ARHGAP39: variants seen among roughly 807,000 people sequenced by gnomAD.
The protein encoded by ARHGAP39 is rho GTPase-activating protein 39.
A neutral mutation model predicts 106.9 loss-of-function variants in ARHGAP39; 44 were observed. That is an observed-to-expected ratio of 0.41 (90% CI 0.32 to 0.53). The LOEUF is 0.53. Ranked by LOEUF, ARHGAP39 falls within the 20% of genes least tolerant of loss-of-function variation. The probability of loss-of-function intolerance (pLI) is 0.21; values close to 1 mark genes in which losing one functional copy is unlikely to be tolerated. For synonymous variants in ARHGAP39, 768 were observed against 693.2 expected (o/e 1.11, Z -1.69); for missense variants, 1,496 against 1,577.3 (o/e 0.95, Z 0.87).
intron 6 of ARHGAP39, among the ~76,000 whole-genome samples, chr8:144,542,883 G>A (rs1350501050): frequency 6.6e-6 from 1 of 151,634 alleles, no homozygotes; most frequent in Non-Finnish European, 1.5e-5. Context: ...AGGTTGCAGT[G>A]AGTCATGATT....
rs577110803 is a variant in ARHGAP39 at position 144,623,646 on chromosome 8, C to T, written c.-81-17951G>A. Among the ~76,000 whole-genome samples the T allele has an allele frequency of 3.3e-5, 5 of 152,358 alleles. No individual in the cohort carries two copies. The South Asian group carries it at 6.2e-4, about 19-fold the overall frequency. On this transcript the variant is annotated intron_variant, in intron 1 of 11. Coordinates refer to ENST00000377307, the MANE Select transcript of ARHGAP39 (RefSeq NM_025251.3). Reference sequence around the variant, plus strand: ...CGACAGAGGAGATGGTACAAGAAGCCTTGCTTTACCTTGCAGGTGTGCAGA... The same window carrying T: ...CGACAGAGGAGATGGTACAAGAAGCTTTGCTTTACCTTGCAGGTGTGCAGA...
intron 6 of ARHGAP39, among the ~76,000 whole-genome samples, chr8:144,541,510 C>T (rs2620639): frequency 0.055 from 8,356 of 152,194 alleles, 717 homozygotes; most frequent in African/African-American, 0.18. Context: ...CTTTCCAAAG[C>T]AGACCTCACT....
intron 1 of ARHGAP39, among the ~76,000 whole-genome samples, chr8:144,629,985 C>A (rs7013919): frequency 0.082 from 12,485 of 152,206 alleles, 1,088 homozygotes; most frequent in East Asian, 0.24. Context: ...CTAGCCCCAA[C>A]CACCACAAGG....
chr8:144,700,356 G>A, the ARHGAP39 span: 2 of 152,296 alleles, frequency 1.3e-5, no homozygotes, highest in African/African-American at 4.8e-5. This position sits in a 1 kb window ranked among gnomAD's most constrained non-coding sequence, Gnocchi z 5.6. Context: ...GTGACCCGCT[G>A]ACCTGTCCTT....
rs1818602264 is a variant in ARHGAP39, at chr8:144,571,945, AAGG to A, written c.512+8898_512+8900del. 2.0e-5 allele frequency among the ~76,000 whole-genome samples: 3 copies of A among 152,336 alleles called. No individual in the cohort carries two copies. In the South Asian group the frequency reaches 6.2e-4, roughly 32 times the overall value. ...TACAAGGGATGTGAAGGACCCCTTC[AAGG>A]AGAACTACAAACCACTGCACAACGA... On this transcript the variant is annotated intron_variant, in intron 3 of 11. Transcript: ENST00000377307.
chr8:144,637,711 CTTT>C (rs544955777), intron 1 of ARHGAP39, among the ~76,000 whole-genome samples: 1 of 148,586 alleles, frequency 6.7e-6, no homozygotes, highest in Non-Finnish European at 1.5e-5. Flanking sequence ...CTCTCTCTCT[CTTT>C]TTTTTTTAGA....
intron 1 of ARHGAP39, among the ~76,000 whole-genome samples, chr8:144,611,982 C>T (rs1253728764): frequency 6.6e-6 from 1 of 150,942 alleles, no homozygotes; most frequent in African/African-American, 2.4e-5. Flanking sequence ...GTACTCCAAC[C>T]TGGGTGACAA....
intron 5 of ARHGAP39, among the ~76,000 whole-genome samples, 179 bp downstream of exon 5, chr8:144,546,948 C>A (rs1186433345): frequency 1.3e-5 from 2 of 152,178 alleles, no homozygotes; most frequent in Non-Finnish European, 2.9e-5. Context: ...CTCGTGGACT[C>A]CCAGCTGAGC....
intron 1 of ARHGAP39, among the ~76,000 whole-genome samples, chr8:144,624,161 C>T (rs2130971121): frequency 6.6e-6 from 1 of 152,332 alleles, no homozygotes; most frequent in Admixed American, 6.5e-5. Flanking sequence ...GAGGTCGGCC[C>T]TGTAAGCCAC....
intron 1 of ARHGAP39, among the ~76,000 whole-genome samples, chr8:144,632,103 G>C (rs942866528): frequency 6.6e-6 from 1 of 152,216 alleles, no homozygotes; most frequent in African/African-American, 2.4e-5. Context: ...GACCTCCAAA[G>C]TGCTGATTCT....
rs1486062013 is a variant in ARHGAP39, at chr8:144,645,731, A to T, written c.-82+39955T>A. 1.3e-5 allele frequency among the ~76,000 whole-genome samples: 2 copies of T among 152,274 alleles called. No homozygotes were observed. The highest frequency in any genetic ancestry group is 2.9e-5 in the Non-Finnish European group (2 of 68,054). On this transcript the variant is annotated intron_variant, in intron 1 of 11. Coordinates refer to ENST00000377307, the MANE Select transcript of ARHGAP39 (RefSeq NM_025251.3). The surrounding 1 kb of genome is among the most constrained non-coding windows in gnomAD (Gnocchi z 4.4). Reference sequence around the variant, plus strand: ...ACCCAGACGTGCTCTCAGGAAGCAGAGCGATACACCTTGGATGGCAGAGGT... The same window carrying T: ...ACCCAGACGTGCTCTCAGGAAGCAGTGCGATACACCTTGGATGGCAGAGGT...
At chr8:144,611,015 C>T (rs1302334450) in intron 1 of ARHGAP39, among the ~76,000 whole-genome samples, 7 of 152,078 alleles carry the variant, frequency 4.6e-5, no homozygotes, top group African/African-American at 1.7e-4. Flanking sequence ...GATGGGGTTT[C>T]ACCATGTTAG....
At chr8:144,683,147 CT>C (rs1262897116) in intron 1 of ARHGAP39, 2 of 146,502 alleles carry the variant, frequency 1.4e-5, no homozygotes, top group African/African-American at 5.1e-5. Context: ...AACCCCGTCT[CT>C]ACTAAAAATA....
Position 144,545,639 on chromosome 8 carries a change from G to A in ARHGAP39, c.2131C>T (p.Arg711Trp), listed in dbSNP as rs762037058. Residue 711 changes from arginine to tryptophan, a missense_variant, in exon 6 of 12, where the codon CGG (arginine) becomes TGG (tryptophan). Arg to Trp is a moderately radical substitution (Grantham distance 101, BLOSUM62 -3). This residue lies in a region of ARHGAP39 where 470 missense variants were observed against 605.1 expected (regional missense o/e 0.78). Coordinates refer to ENST00000377307, the MANE Select transcript of ARHGAP39 (RefSeq NM_025251.3). ...HFNKHTQGLF[R>W]RKVSIANMLA... ...ATGTTGGCGATGGACACCTTCCGCC[G>A]GAAGAGGCCCTGCGTGTGCTTGTTG... 1.2e-5 allele frequency: 19 copies of A among 1,613,546 alleles called. No homozygotes were observed. Among genetic ancestry groups the A allele is most frequent in the Non-Finnish European group, 1.6e-5 (19 of 1,180,030 alleles).
At chr8:144,588,655 C>T (rs1697441848) in intron 2 of ARHGAP39, among the ~76,000 whole-genome samples, 1 of 152,250 alleles carries the variant, frequency 6.6e-6, no homozygotes, top group African/African-American at 2.4e-5. Context: ...CAGCTGGCCA[C>T]CTGAAGCCCA....
intron 3 of ARHGAP39, among the ~76,000 whole-genome samples, chr8:144,558,672 T>C (rs1311670147): frequency 6.6e-6 from 1 of 152,132 alleles, no homozygotes; most frequent in Non-Finnish European, 1.5e-5. Flanking sequence ...CTTTCAGAAC[T>C]TAAGAATGTT....
rs1822537889 is a variant in ARHGAP39, at chr8:144,684,911, A to T, written c.-82+775T>A. Among the ~76,000 whole-genome samples the T allele has an allele frequency of 6.6e-6, 1 of 152,158 alleles. No individual in the cohort carries two copies. The highest frequency in any genetic ancestry group is 6.5e-5 in the Admixed American group (1 of 15,284). On this transcript the variant is annotated intron_variant, in intron 1 of 11. Coordinates refer to ENST00000377307, the MANE Select transcript of ARHGAP39 (RefSeq NM_025251.3). This position sits in a 1 kb window ranked among gnomAD's most constrained non-coding sequence, Gnocchi z 4.4. ...GTCCGCTCCCTGCGCCCCGGGGACAAAGCCCGAGGCTGCACCGCAGCGCAC... is the reference window on the plus strand; with the variant it reads ...GTCCGCTCCCTGCGCCCCGGGGACATAGCCCGAGGCTGCACCGCAGCGCAC...
rs549269834 is a variant in ARHGAP39, at chr8:144,662,438, G to A, written c.-82+23248C>T. Among the ~76,000 whole-genome samples the A allele has an allele frequency of 1.5e-3, 171 of 117,462 alleles. 1 individual carries two copies. Among genetic ancestry groups the A allele is most frequent in the African/African-American group, 4.1e-3 (123 of 29,782 alleles). 77.1% of individuals were successfully genotyped at this position (117,462 alleles called of 152,430 possible). ...CCCTCCCCATCATCCACCTTGGGCC[G>A]CTACCCGCCTCCCCATTATCCACCT... is the stretch of plus-strand genomic sequence containing the variant. On this transcript the variant is annotated intron_variant, in intron 1 of 11. Transcript: ENST00000377307.
At chr8:144,607,490 G>A (rs1820336488) in intron 1 of ARHGAP39, among the ~76,000 whole-genome samples, 1 of 152,200 alleles carries the variant, frequency 6.6e-6, no homozygotes, top group Non-Finnish European at 1.5e-5. Context: ...ACAGTCTGCC[G>A]AACCGTGGTG....
Sources: gnomAD v4.1 joint callset for allele counts (sites outside exome capture counted in the v4.1 genomes callset) on GRCh38, gnomAD v4.1.1 for gene constraint, gnomAD v4.1.1 regional missense constraint, Gnocchi (gnomAD v3.1) non-coding constraint, MANE v1.5 for transcripts, NCBI Gene and HGNC (gene_info 2026-07-23, HGNC 2026-07-21) for gene names.